The following TMEM245 variants were observed in gnomAD, a reference collection of about 807,000 sequenced individuals.
TMEM245 encodes protein CG-2.
In TMEM245, 69 loss-of-function variants were observed where a neutral mutation model predicts 101.2. The observed-to-expected ratio is 0.68, with a 90% CI of 0.56 to 0.83. The LOEUF is 0.83. Ranked by LOEUF, TMEM245 falls within the 40% of genes least tolerant of loss-of-function variation. TMEM245 has a pLI of 0.00. For synonymous variants in TMEM245, 537 were observed against 449.8 expected (o/e 1.19, Z -2.45); for missense variants, 1,075 against 1,092.8 (o/e 0.98, Z 0.23).
rs1830062998 is a variant in TMEM245 at position 109,093,528 on chromosome 9, G to A, written c.863C>T (p.Ser288Phe). ...ACTGCTTGATTCATACCCTGTGATAGAGATGGCCAAGTTTGCCAGAGTAGA... is the reference window on the plus strand; with the variant it reads ...ACTGCTTGATTCATACCCTGTGATAAAGATGGCCAAGTTTGCCAGAGTAGA... ...AASTLANLAI[S>F]ITGYESSSED... Residue 288 changes from serine to phenylalanine, a missense_variant, in exon 4 of 18, where the codon TCT becomes TTT. Transcript: ENST00000374586. 3.1e-6 allele frequency: 5 copies of A among 1,614,024 alleles called. No individual in the cohort carries two copies. Among genetic ancestry groups the A allele is most frequent in the South Asian group, 1.1e-5 (1 of 91,080 alleles).
rs376134986 is a variant in TMEM245 at position 109,048,219 on chromosome 9, C to T, written c.2123+2064G>A. Reference sequence around the variant, plus strand: ...TTTAATCCCACTTGACAGCCAATCGCGGAAACAAGGTATTGGTGAAGATCT... The same window carrying T: ...TTTAATCCCACTTGACAGCCAATCGTGGAAACAAGGTATTGGTGAAGATCT... On this transcript the variant is annotated intron_variant, in intron 14 of 17. Coordinates refer to ENST00000374586, the MANE Select transcript of TMEM245 (RefSeq NM_032012.4). Among the ~76,000 whole-genome samples the T allele has an allele frequency of 1.3e-4, 20 of 152,048 alleles. No individual in the cohort carries two copies. The South Asian group carries it at 1.7e-3, about 13-fold the overall frequency.
At chr9:109,031,070 G>C (rs1024275484) in intron 17 of TMEM245, among the ~76,000 whole-genome samples, 10 of 152,158 alleles carry the variant, frequency 6.6e-5, no homozygotes, top group Non-Finnish European at 1.3e-4. Context: ...TTTCCGGAAA[G>C]TTCAAAACAT....
rs750929950 is a variant in TMEM245, at chr9:109,119,669, C to A, written c.245G>T (p.Arg82Leu). Reference protein sequence around the residue: ...LVYFILEAFLRPLLWAVLCGT... With the variant: ...LVYFILEAFLLPLLWAVLCGT... ...GCATAGCACGGCCCAGAGCAGCGGC[C>A]GCAGGAAGGCCTCCAGGATGAAGTA... The change falls in exon 1 of 18, where the codon CGG (arginine) becomes CTG (leucine). Residue 82 changes from arginine to leucine, a missense_variant. Around this residue, in one of 2 missense-constraint regions of TMEM245, gnomAD observed 808 missense variants for 741.5 expected, o/e 1.09. Coordinates refer to ENST00000374586, the MANE Select transcript of TMEM245 (RefSeq NM_032012.4). 1 of 1,555,612 alleles carries A rather than the reference C, an allele frequency of 6.4e-7. No homozygotes were observed.
chr9:109,043,449 T>C (rs1362848669), intron 14 of TMEM245, among the ~76,000 whole-genome samples: 2 of 152,174 alleles, frequency 1.3e-5, no homozygotes, highest in Admixed American at 1.3e-4. Context: ...AGTCTAATAT[T>C]TATGGACTAT....
At chr9:109,055,357 T>C (rs1476538303) in intron 12 of TMEM245, among the ~76,000 whole-genome samples, 5 of 149,516 alleles carry the variant, frequency 3.3e-5, no homozygotes, top group Non-Finnish European at 6.0e-5. Flanking sequence ...AACCTGCTAA[T>C]GGGCTTTTCT....
At chr9:109,084,099 G>A (rs1016635018) in intron 7 of TMEM245, among the ~76,000 whole-genome samples, 17 of 149,598 alleles carry the variant, frequency 1.1e-4, no homozygotes, top group African/African-American at 3.4e-4. Flanking sequence ...AAAAAAAAAG[G>A]AAAAGAAATA....
chr9:109,107,025 A>G (rs1830446085), intron 2 of TMEM245, among the ~76,000 whole-genome samples: 2 of 152,080 alleles, frequency 1.3e-5, no homozygotes, highest in Non-Finnish European at 2.9e-5. Context: ...TTCTCTCCCA[A>G]GAAAGAGAAT....
At chr9:109,098,561 A>C (rs1830201403) in intron 3 of TMEM245, among the ~76,000 whole-genome samples, 1 of 152,148 alleles carries the variant, frequency 6.6e-6, no homozygotes, top group African/African-American at 2.4e-5. Flanking sequence ...GTCCAAAAAA[A>C]AAAACAAAAA....
intron 1 of TMEM245, among the ~76,000 whole-genome samples, chr9:109,113,312 C>G (rs10979692): frequency 6.6e-6 from 1 of 152,054 alleles, no homozygotes; most frequent in Admixed American, 6.5e-5. Context: ...TTCACTAACA[C>G]GGAAACATGA....
Position 109,108,482 on chromosome 9 carries a change from G to A in TMEM245, c.668C>T (p.Pro223Leu), listed in dbSNP as rs1284318863. The A allele has an allele frequency of 6.3e-7, 1 of 1,587,772 alleles. No homozygotes were observed. Residue 223 changes from proline to leucine, a missense_variant, in exon 2 of 18, where the codon CCT becomes CTT. Pro to Leu is a moderately conservative substitution (Grantham distance 98). Coordinates refer to ENST00000374586, the MANE Select transcript of TMEM245 (RefSeq NM_032012.4). ...TERYLRAVSI[P>L]VWIILLFHLA... ...ATGAAAAAGCAATATAATCCAGACAGGAATTGAAACTGCTCTCAAGTAGCG... is the reference window on the plus strand; with the variant it reads ...ATGAAAAAGCAATATAATCCAGACAAGAATTGAAACTGCTCTCAAGTAGCG...
At chr9:109,106,469 C>A in intron 3 of TMEM245, 39 bp downstream of exon 3, 1 of 1,341,012 alleles carries the variant, frequency 7.5e-7, no homozygotes, top group East Asian at 2.4e-5. Flanking sequence ...CTCCAAAATA[C>A]TTCAAAGAGT....
At chr9:109,036,514 G>C in intron 15 of TMEM245, 134 bp from the exon 16 acceptor site, 2 of 853,062 alleles carry the variant, frequency 2.3e-6, no homozygotes, top group Non-Finnish European at 3.4e-6. Flanking sequence ...CAAATATTAG[G>C]GAAATGATAT....
chr9:109,042,937 C>T (rs999539474), intron 14 of TMEM245, among the ~76,000 whole-genome samples: 3 of 150,800 alleles, frequency 2.0e-5, no homozygotes, highest in Non-Finnish European at 4.4e-5. Flanking sequence ...CCTCCACCTC[C>T]CAGGCTCAAG....
intron 11 of TMEM245, among the ~76,000 whole-genome samples, chr9:109,058,005 A>ATTT (rs545868479): frequency 1.2e-5 from 1 of 81,090 alleles, no homozygotes; most frequent in Admixed American, 1.2e-4. Flanking sequence ...TCCTTTCCTC[A>ATTT]TTTTTTTTTT....
At chr9:109,095,936 T>C (rs929907890) in intron 3 of TMEM245, among the ~76,000 whole-genome samples, 6 of 152,192 alleles carry the variant, frequency 3.9e-5, no homozygotes, top group African/African-American at 1.4e-4. Flanking sequence ...GAAAAGTTGT[T>C]GCAGTACTAT....
At chr9:109,065,354 G>A (rs1588046513) in intron 9 of TMEM245, among the ~76,000 whole-genome samples, 1 of 150,432 alleles carries the variant, frequency 6.6e-6, no homozygotes, top group African/African-American at 2.5e-5. Flanking sequence ...CACGACTAGG[G>A]CCCAGCAATC....
At chr9:109,106,653 T>A (rs546745155) in intron 2 of TMEM245, 44 bp from the exon 3 acceptor site, 1 of 1,418,364 alleles carries the variant, frequency 7.1e-7, no homozygotes, top group Non-Finnish European at 9.7e-7. Context: ...AATAAAAACC[T>A]AGTACTTGTT....
chr9:109,063,794 T>C (rs1269155466), intron 10 of TMEM245, among the ~76,000 whole-genome samples: 1 of 152,214 alleles, frequency 6.6e-6, no homozygotes, highest in Non-Finnish European at 1.5e-5. Flanking sequence ...AGCACACTCC[T>C]GTCTCTGCAT....
intron 7 of TMEM245, among the ~76,000 whole-genome samples, chr9:109,081,435 T>C (rs535998404): frequency 3.2e-4 from 49 of 152,126 alleles, no homozygotes; most frequent in Non-Finnish European, 5.9e-4. Context: ...AGGAGTTGCA[T>C]TCAAAATATT....
Sources: allele counts gnomAD v4.1 joint callset (sites outside exome capture counted in the v4.1 genomes callset), GRCh38; gene constraint gnomAD v4.1.1; regional missense constraint gnomAD v4.1.1; transcripts MANE v1.5; gene names NCBI Gene and HGNC (gene_info 2026-07-23, HGNC 2026-07-21).